EXOC4: variants seen among roughly 807,000 people sequenced by gnomAD.
EXOC4 encodes the protein SEC8-like 1.
Under a neutral mutation model 107.2 loss-of-function variants are expected in EXOC4, and 71 were observed. The observed-to-expected ratio is 0.66, with a 90% CI of 0.55 to 0.81. The LOEUF is 0.81. Ranked by LOEUF, EXOC4 falls within the 30% of genes least tolerant of loss-of-function variation. The probability of loss-of-function intolerance (pLI) is 0.00; values close to 1 mark genes in which losing one functional copy is unlikely to be tolerated. For missense variants in EXOC4, 1,108 were observed against 1,189.6 expected (o/e 0.93, Z 1.01); for synonymous variants, 456 against 441.2 (o/e 1.03, Z -0.42).
chr7:133,697,214 A>G (rs1051042211), intron 10 of EXOC4, among the ~76,000 whole-genome samples: 3 of 152,176 alleles, frequency 2.0e-5, no homozygotes, highest in South Asian at 2.1e-4. Flanking sequence ...GACTGGATAT[A>G]TCATATTCTT....
chr7:133,672,308 G>A (rs1255620058), intron 10 of EXOC4, among the ~76,000 whole-genome samples: 4 of 151,178 alleles, frequency 2.6e-5, no homozygotes, highest in African/African-American at 9.7e-5. Context: ...GGAGAATGGC[G>A]TGAACCCGGG....
intron 5 of EXOC4, among the ~76,000 whole-genome samples, chr7:133,331,270 G>GA (rs1003379399): frequency 3.3e-5 from 5 of 151,880 alleles, no homozygotes; most frequent in African/African-American, 9.7e-5. Flanking sequence ...CCTGTCCGTG[G>GA]AAAAATTGGC....
chr7:133,943,954 A>G (rs925076027), intron 14 of EXOC4, among the ~76,000 whole-genome samples: 1 of 152,136 alleles, frequency 6.6e-6, no homozygotes, highest in South Asian at 2.1e-4. Flanking sequence ...CAATGTATCC[A>G]TGGTGGGGGT....
intron 12 of EXOC4, among the ~76,000 whole-genome samples, chr7:133,915,405 T>C (rs959652014): frequency 2.0e-5 from 3 of 152,194 alleles, no homozygotes; most frequent in African/African-American, 7.2e-5. Flanking sequence ...ATGAAGCAGA[T>C]TTGAACATAT....
At chr7:133,377,158 C>A (rs1216346020) in intron 7 of EXOC4, among the ~76,000 whole-genome samples, 2 of 152,086 alleles carry the variant, frequency 1.3e-5, no homozygotes, top group African/African-American at 4.8e-5. Flanking sequence ...TCAAGACCAG[C>A]CTGACCAAAA....
intron 17 of EXOC4, among the ~76,000 whole-genome samples, chr7:134,029,160 T>G (rs1178543059): frequency 6.6e-6 from 1 of 152,218 alleles, no homozygotes; most frequent in Non-Finnish European, 1.5e-5. Context: ...AACATTCTAA[T>G]GTCTTCATTG....
At chr7:133,327,985 A>G (rs1353738284) in intron 5 of EXOC4, among the ~76,000 whole-genome samples, 2 of 152,118 alleles carry the variant, frequency 1.3e-5, no homozygotes, top group Non-Finnish European at 2.9e-5. Flanking sequence ...CAAGTCCTGA[A>G]TATCCTTGTT....
chr7:133,349,129 T>A (rs932381491), intron 5 of EXOC4, among the ~76,000 whole-genome samples: 21 of 4,628 alleles, frequency 4.5e-3, no homozygotes, highest in Non-Finnish European at 2.0e-3. Flanking sequence ...CAGATTTAAA[T>A]GTTTTTTTTT....
intron 5 of EXOC4, among the ~76,000 whole-genome samples, chr7:133,344,619 C>G (rs1486057077): frequency 6.6e-6 from 1 of 152,136 alleles, no homozygotes; most frequent in Admixed American, 6.5e-5. Context: ...TTTCTCTCTA[C>G]TTTTTGTTTC....
At chr7:133,530,445 A>G (rs1170651757) in intron 9 of EXOC4, among the ~76,000 whole-genome samples, 4 of 152,190 alleles carry the variant, frequency 2.6e-5, no homozygotes, top group Non-Finnish European at 5.9e-5. Context: ...ACACACCTGT[A>G]CAGCATGTTA....
At chr7:133,478,113 G>A (rs368246971) in intron 8 of EXOC4, among the ~76,000 whole-genome samples, 9 of 151,698 alleles carry the variant, frequency 5.9e-5, no homozygotes, top group African/African-American at 2.2e-4. Flanking sequence ...GCCTAAGCAG[G>A]CCCTTTTCTT....
At chr7:133,738,017 T>G (rs1384569973) in intron 10 of EXOC4, among the ~76,000 whole-genome samples, 1 of 143,788 alleles carries the variant, frequency 7.0e-6, no homozygotes, top group East Asian at 2.2e-4. Context: ...GTTCAAGCAA[T>G]TCTGCTGCCT....
At chr7:133,999,765 T>C (rs1241490331) in intron 15 of EXOC4, among the ~76,000 whole-genome samples, 6 of 152,200 alleles carry the variant, frequency 3.9e-5, no homozygotes, top group Non-Finnish European at 4.4e-5. Flanking sequence ...ACATTCAGAA[T>C]TGTTTACTTA....
intron 10 of EXOC4, among the ~76,000 whole-genome samples, chr7:133,679,275 G>A (rs1420971): frequency 0.99 from 150,351 of 152,336 alleles, 74,236 homozygotes; most frequent in Middle Eastern, 1. Context: ...GAATTTTATA[G>A]GGCCTTTTTT....
At chr7:133,517,952 C>T (rs571237054) in intron 9 of EXOC4, among the ~76,000 whole-genome samples, 2 of 151,814 alleles carry the variant, frequency 1.3e-5, no homozygotes, top group South Asian at 2.1e-4. Flanking sequence ...GTTCATTGGT[C>T]TGGGACTCGA....
intron 7 of EXOC4, chr7:133,447,386 G>A (rs1798244228): frequency 6.6e-6 from 1 of 151,922 alleles, no homozygotes; most frequent in Non-Finnish European, 1.5e-5. Context: ...GCTCCACTCT[G>A]TTTTTGTATA....
intron 9 of EXOC4, among the ~76,000 whole-genome samples, chr7:133,600,511 A>T (rs1302995787): frequency 1.3e-5 from 2 of 152,158 alleles, no homozygotes; most frequent in East Asian, 1.9e-4. Flanking sequence ...GGTGCAGTGT[A>T]CCCTCTATTA....
chr7:133,467,803 C>T (rs1798768805), intron 7 of EXOC4, among the ~76,000 whole-genome samples: 1 of 151,586 alleles, frequency 6.6e-6, no homozygotes, highest in South Asian at 2.1e-4. Flanking sequence ...CAATTTATGT[C>T]CTTCTATAGT....
intron 9 of EXOC4, among the ~76,000 whole-genome samples, chr7:133,525,107 A>G (rs926240468): frequency 2.0e-5 from 3 of 152,174 alleles, no homozygotes; most frequent in Non-Finnish European, 4.4e-5. Flanking sequence ...TGTAAGAGCT[A>G]TGGTTCTTGG....
Sources: gnomAD v4.1 joint callset for allele counts (sites outside exome capture counted in the v4.1 genomes callset) on GRCh38, gnomAD v4.1.1 for gene constraint, MANE v1.5 for transcripts, NCBI Gene and HGNC (gene_info 2026-07-23, HGNC 2026-07-21) for gene names.